ERICH1: variants seen among roughly 807,000 people sequenced by gnomAD.
ERICH1 encodes the protein glutamate rich 1.
ERICH1 carries 56 observed loss-of-function variants against 39.6 expected under a neutral mutation model. The ratio of observed to expected loss-of-function variants is 1.41; its 90% CI spans 1.14 to 1.77. ERICH1 has a LOEUF of 1.77. ERICH1 is among the 40% of genes most tolerant of loss of function. The pLI, the probability that ERICH1 is intolerant of heterozygous loss-of-function variation, is 0.00. For missense variants in ERICH1, 826 were observed against 575.4 expected, an observed-to-expected ratio of 1.44 and a Z score of -4.45; for synonymous variants, 313 against 223.6, an observed-to-expected ratio of 1.40 and a Z score of -3.57.
chr8:652,314 A>G (rs1800074587), intron 3 of ERICH1, among the ~76,000 whole-genome samples: 1 of 152,240 alleles, frequency 6.6e-6, no homozygotes. Context: ...TGGCCCCGTC[A>G]GAGTCACCAC....
intron 2 of ERICH1, among the ~76,000 whole-genome samples, chr8:697,291 C>T (rs1015032245): frequency 1.3e-5 from 2 of 152,210 alleles, no homozygotes; most frequent in East Asian, 1.9e-4. Flanking sequence ...CAGCCTCCTG[C>T]CAGCGCAGGC....
At chr8:687,778 G>A (rs1376170423) in intron 3 of ERICH1, among the ~76,000 whole-genome samples, 5 of 152,136 alleles carry the variant, frequency 3.3e-5, no homozygotes, top group Non-Finnish European at 5.9e-5. Flanking sequence ...AGCCGAGGCC[G>A]TAGTAGGTGG....
intron 3 of ERICH1, among the ~76,000 whole-genome samples, chr8:688,928 C>T (rs1808287826): frequency 6.6e-6 from 1 of 152,164 alleles, no homozygotes; most frequent in African/African-American, 2.4e-5. Flanking sequence ...CTGCTAGTGA[C>T]TGCACAATGA....
At chr8:682,258 C>G (rs929743087) in intron 3 of ERICH1, among the ~76,000 whole-genome samples, 1 of 152,158 alleles carries the variant, frequency 6.6e-6, no homozygotes, top group Middle Eastern at 3.2e-3. Context: ...AGGGGTCTGC[C>G]AAGCATCCCA....
chr8:708,075 C>G (rs370025068), intron 2 of ERICH1, among the ~76,000 whole-genome samples: 2 of 151,912 alleles, frequency 1.3e-5, no homozygotes, highest in Non-Finnish European at 2.9e-5. Context: ...AATGGAAAAC[C>G]ACAATGAGAT....
intron 3 of ERICH1, among the ~76,000 whole-genome samples, chr8:624,526 G>A (rs1022057435): frequency 1.3e-5 from 2 of 152,250 alleles, no homozygotes; most frequent in Middle Eastern, 3.4e-3. Flanking sequence ...ACCTAAGACT[G>A]GGTAATTTCT....
chr8:686,758 G>A (rs1227443089), intron 3 of ERICH1: 2 of 138,986 alleles, frequency 1.4e-5, no homozygotes, highest in Non-Finnish European at 3.2e-5. Flanking sequence ...TCTCTCGCAG[G>A]ACACTCAGAG....
chr8:617,167 C>T lies in ERICH1; in HGVS notation c.977-1883G>A, dbSNP rs563409988. On this transcript the variant is annotated intron_variant, in intron 3 of 3. Transcript: ENST00000522706. ...AAAGAAGGCAGGAGTCCACTCAGGGCACAGGCGGTGGGGACCACACGATTC... is the reference window on the plus strand; with the variant it reads ...AAAGAAGGCAGGAGTCCACTCAGGGTACAGGCGGTGGGGACCACACGATTC... Among the ~76,000 whole-genome samples the T allele has an allele frequency of 3.0e-4, 45 of 152,228 alleles. 2 individuals carry two copies. The highest frequency in any genetic ancestry group is 2.5e-3 in the Admixed American group (39 of 15,304).
chr8:691,912 T>C (rs1808986921), intron 3 of ERICH1, among the ~76,000 whole-genome samples: 1 of 152,208 alleles, frequency 6.6e-6, no homozygotes, highest in African/African-American at 2.4e-5. Context: ...TATTTCCCTT[T>C]TAAGGTAAAA....
Position 646,711 on chromosome 8 carries a change from C to A in ERICH1, c.976+21887G>T, listed in dbSNP as rs1799499190. 2.9e-5 allele frequency among the ~76,000 whole-genome samples: 2 copies of A among 68,694 alleles called. 1 individual carries two copies. Among genetic ancestry groups the A allele is most frequent in the Non-Finnish European group, 9.1e-5 (2 of 21,908 alleles). The allele number at this position is 68,694 out of a possible 152,430, so 45.1% of individuals were successfully genotyped here. ...AGGTGCATCAGAGCCCCGGCTTGCC[C>A]CAGCCTCCCCTGCACCTGCACTTGC... On this transcript the variant is annotated intron_variant, in intron 3 of 3. Coordinates refer to the ERICH1 transcript ENST00000522706.
At chr8:716,243 C>A (rs370180701) in intron 1 of ERICH1, among the ~76,000 whole-genome samples, 1 of 152,368 alleles carries the variant, frequency 6.6e-6, no homozygotes, top group Admixed American at 6.5e-5. Flanking sequence ...ATCAGCTGAC[C>A]CTCTCTCCAG....
chr8:624,852 G>A (rs1235255544), intron 3 of ERICH1, among the ~76,000 whole-genome samples: 1 of 152,070 alleles, frequency 6.6e-6, no homozygotes, highest in African/African-American at 2.4e-5. Flanking sequence ...TCAGCCTCCA[G>A]AGTAGCTGGG....
At chr8:677,469 T>G (rs1805112023) in intron 3 of ERICH1, among the ~76,000 whole-genome samples, 1 of 152,172 alleles carries the variant, frequency 6.6e-6, no homozygotes, top group Non-Finnish European at 1.5e-5. Flanking sequence ...AGCCTGAGTC[T>G]CCTCGACACC....
intron 3 of ERICH1, among the ~76,000 whole-genome samples, chr8:682,019 AAGTTTTCCATCCACCCC>A (rs1399835768): frequency 2.0e-5 from 3 of 151,978 alleles, no homozygotes; most frequent in Non-Finnish European, 2.9e-5. Flanking sequence ...CTCCTCTCAG[AAGTTTTCCATCCACCCC>A]CACCCTGCCC....
intron 3 of ERICH1, among the ~76,000 whole-genome samples, chr8:618,585 A>G (rs549345765): frequency 3.1e-4 from 47 of 152,282 alleles, no homozygotes; most frequent in African/African-American, 1.0e-3. Context: ...TCTTTCAGAG[A>G]CCTTGGGCAA....
intron 3 of ERICH1, among the ~76,000 whole-genome samples, chr8:630,226 C>T (rs1669660): frequency 8.0e-6 from 1 of 125,050 alleles, no homozygotes; most frequent in African/African-American, 3.3e-5. Context: ...CCTCCTGTGA[C>T]CACCCACACA....
chr8:653,644 T>C (rs1022960968), intron 3 of ERICH1, among the ~76,000 whole-genome samples: 1 of 152,244 alleles, frequency 6.6e-6, no homozygotes, highest in Admixed American at 6.5e-5. Context: ...TTAAATTTAA[T>C]TCAGTTGAAG....
At chr8:713,187 T>C (rs545653959) in intron 2 of ERICH1, among the ~76,000 whole-genome samples, 4 of 152,362 alleles carry the variant, frequency 2.6e-5, no homozygotes, top group South Asian at 2.1e-4. Flanking sequence ...GACGACTTCA[T>C]TGACCCTTAA....
Position 730,555 on chromosome 8 carries a change from C to T in ERICH1, c.22+585G>A, listed in dbSNP as rs149200039. Among the ~76,000 whole-genome samples, 293 of 152,322 alleles carry T rather than the reference C, an allele frequency of 1.9e-3. 1 individual carries two copies. The highest frequency in any genetic ancestry group is 6.6e-3 in the African/African-American group (273 of 41,554). ...AGCACGCTTTATTTTCTAACACTTC[C>T]GTTCTAAGGCACGGCCAGGTTAACC... is the stretch of plus-strand genomic sequence containing the variant. On this transcript the variant is annotated intron_variant, in intron 1 of 5. Coordinates refer to ENST00000262109, the MANE Select transcript of ERICH1 (RefSeq NM_207332.3).
Sources: allele counts gnomAD v4.1 joint callset (sites outside exome capture counted in the v4.1 genomes callset), GRCh38; gene constraint gnomAD v4.1.1; transcripts MANE v1.5; gene names NCBI Gene and HGNC (gene_info 2026-07-23, HGNC 2026-07-21).